Variants in CD44 observed in about 807,000 individuals in gnomAD.
The protein encoded by CD44 is CD44 antigen.
Under a neutral mutation model 88.8 loss-of-function variants are expected in CD44, and 49 were observed. That is an observed-to-expected ratio of 0.55 (90% CI 0.44 to 0.70). The LOEUF is 0.70. Among genes scored for constraint, CD44 ranks in the 30% least tolerant of loss-of-function variants. The probability of loss-of-function intolerance (pLI) is 0.00; values close to 1 mark genes in which losing one functional copy is unlikely to be tolerated. For missense variants in CD44, 883 were observed against 913.8 expected (o/e 0.97, Z 0.43); for synonymous variants, 325 against 312.3 (o/e 1.04, Z -0.43).
At chr11:35,206,286 C>T (rs767196049) in intron 11 of CD44, 43 bp downstream of exon 11, 1 of 1,547,100 alleles carries the variant, frequency 6.5e-7, no homozygotes, top group East Asian at 2.3e-5. Flanking sequence ...TTTTTGAAAT[C>T]CACTGAGTGA....
At chr11:35,212,369 AAAG>A (rs1445901483) in intron 14 of CD44, among the ~76,000 whole-genome samples, 5 of 152,136 alleles carry the variant, frequency 3.3e-5, no homozygotes, top group African/African-American at 9.7e-5. Context: ...CAAAAAAGAA[AAAG>A]AAGAATTCAT....
intron 5 of CD44, among the ~76,000 whole-genome samples, chr11:35,196,012 T>G (rs567874583): frequency 2.0e-5 from 3 of 152,306 alleles, no homozygotes; most frequent in Non-Finnish European, 4.4e-5. Context: ...TATCTATTGC[T>G]GGCAGAAATA....
At chr11:35,205,221 T>G (rs971639586) in intron 10 of CD44, among the ~76,000 whole-genome samples, 1 of 152,228 alleles carries the variant, frequency 6.6e-6, no homozygotes, top group African/African-American at 2.4e-5. Flanking sequence ...CTTATCATCA[T>G]CTCTAAGTGA....
intron 5 of CD44, among the ~76,000 whole-genome samples, chr11:35,196,216 G>C (rs930439960): frequency 4.6e-5 from 7 of 152,160 alleles, no homozygotes; most frequent in Admixed American, 2.0e-4. Flanking sequence ...TGATCTTCCT[G>C]ACTATGGGAA....
At position 35,196,869 on chromosome 11, in the gene CD44, T is replaced by G. The variant is rs1946810801; in HGVS notation, c.791T>G (p.Met264Arg). 6.2e-7 allele frequency: 1 copy of G among 1,613,108 alleles called. No homozygotes were observed. Among genetic ancestry groups the G allele is most frequent in the African/African-American group, 1.3e-5 (1 of 74,922 alleles). Reference sequence around the variant, plus strand: ...AATCATCTTCACACAACAACACAAATGGCTGGTAATGAGTTATTATTATCT... The same window carrying G: ...AATCATCTTCACACAACAACACAAAGGGCTGGTAATGAGTTATTATTATCT... ...SKNHLHTTTQ[M>R]AGTSSNTISA... is the part of the protein sequence containing the mutation. Residue 264 changes from methionine to arginine, a missense_variant, in exon 6 of 18, where the codon ATG becomes AGG. Transcript: ENST00000428726.
At position 35,222,621 on chromosome 11, in the gene CD44, A is replaced by G. The variant is rs1202402818; in HGVS notation, c.2024+889A>G. 9.2e-6 allele frequency: 6 copies of G among 653,170 alleles called. No homozygotes were observed. In the African/African-American group the frequency reaches 9.9e-5, roughly 11 times the overall value. The allele number at this position is 653,170 out of a possible 1,614,324, so 40.5% of individuals were successfully genotyped here. A position where few individuals can be genotyped will look rare whatever the true frequency, so the allele number is the denominator to read the frequency against. On this transcript the variant is annotated intron_variant, in intron 17 of 17. Coordinates refer to ENST00000428726, the MANE Select transcript of CD44 (RefSeq NM_000610.4). ...ATAATATATATATATATATATACAC[A>G]TACATTATATATACACAATAGTAAT...
chr11:35,183,171 C>G (rs991301370), intron 3 of CD44, among the ~76,000 whole-genome samples: 3 of 152,038 alleles, frequency 2.0e-5, no homozygotes, highest in East Asian at 1.9e-4. Context: ...TCCAAATTGA[C>G]TCGATATTGA....
intron 12 of CD44, among the ~76,000 whole-genome samples, chr11:35,209,140 G>A (rs1486540241): frequency 2.6e-5 from 4 of 152,156 alleles, no homozygotes; most frequent in South Asian, 4.1e-4. Context: ...ATATTTATTC[G>A]GTGGTGGGCA....
chr11:35,170,701 T>A (rs951695947), intron 1 of CD44, among the ~76,000 whole-genome samples: 1 of 152,216 alleles, frequency 6.6e-6, no homozygotes. Flanking sequence ...GTTTGAGAGA[T>A]GCAATCAGCC....
intron 7 of CD44, chr11:35,200,718 G>A (rs538025096): frequency 1.5e-5 from 3 of 204,926 alleles, no homozygotes; most frequent in African/African-American, 2.3e-5. Flanking sequence ...CAAGTGCAGA[G>A]GGATACTACA....
intron 7 of CD44, chr11:35,198,493 G>T: frequency 2.2e-6 from 1 of 456,124 alleles, no homozygotes; most frequent in Non-Finnish European, 3.9e-6. Flanking sequence ...GGGATCTACT[G>T]CTACAGATTG....
chr11:35,163,286 G>C (rs1942866538), intron 1 of CD44, among the ~76,000 whole-genome samples: 1 of 151,248 alleles, frequency 6.6e-6, no homozygotes, highest in Non-Finnish European at 1.5e-5. Flanking sequence ...GAAACTCATG[G>C]TTGTTCCTAG....
At chr11:35,173,728 G>A (rs557932806) in intron 1 of CD44, among the ~76,000 whole-genome samples, 79 of 152,234 alleles carry the variant, frequency 5.2e-4, no homozygotes, top group African/African-American at 1.9e-3. Flanking sequence ...TTGTTTCCTC[G>A]TGGTTGAGAC....
chr11:35,152,383 G>T (rs540709855), intron 1 of CD44, among the ~76,000 whole-genome samples: 1 of 152,330 alleles, frequency 6.6e-6, no homozygotes, highest in East Asian at 1.9e-4. Context: ...AAGTCTACCA[G>T]AAATAGCCCC....
chr11:35,200,933 C>G lies in CD44; in HGVS notation c.923-149C>G, dbSNP rs115589955. ...GCTGAATTAAGCTGAAGTCACCCTC[C>G]GCTTTCCCTCCATTTCCATGCAGCC... On this transcript the variant is annotated intron_variant, in intron 7 of 17. Transcript: ENST00000428726. 13 of 671,870 alleles carry G rather than the reference C, an allele frequency of 1.9e-5. No homozygotes were observed. In the Admixed American group the frequency reaches 2.9e-4, roughly 15 times the overall value. 41.6% of individuals were successfully genotyped at this position (671,870 alleles called of 1,614,324 possible). A position where few individuals can be genotyped will look rare whatever the true frequency, so the allele number is the denominator to read the frequency against.
intron 11 of CD44, 58 bp downstream of exon 11, chr11:35,206,301 T>C (rs1000979897): frequency 4.0e-6 from 6 of 1,509,922 alleles, no homozygotes; most frequent in Non-Finnish European, 4.5e-6. Context: ...GAGTGACTGC[T>C]GACTATTTTT....
intron 5 of CD44, among the ~76,000 whole-genome samples, chr11:35,192,414 T>G (rs1476305819): frequency 6.6e-6 from 1 of 152,208 alleles, no homozygotes; most frequent in Non-Finnish European, 1.5e-5. Flanking sequence ...TGAGGAGATT[T>G]GCAAAACCTT....
At chr11:35,204,753 G>A (rs1370792786) in intron 10 of CD44, 113 bp downstream of exon 10, 1 of 966,122 alleles carries the variant, frequency 1.0e-6, no homozygotes. Context: ...GAGATGTTAG[G>A]TTACTTAATA....
intron 1 of CD44, among the ~76,000 whole-genome samples, chr11:35,155,993 A>G (rs796880517): frequency 1.2e-4 from 18 of 152,356 alleles, no homozygotes; most frequent in African/African-American, 4.3e-4. Flanking sequence ...GGTCAAGATC[A>G]CAGCTAATTA....
Sources: allele counts gnomAD v4.1 joint callset (sites outside exome capture counted in the v4.1 genomes callset), GRCh38; gene constraint gnomAD v4.1.1; transcripts MANE v1.5; gene names NCBI Gene and HGNC (gene_info 2026-07-23, HGNC 2026-07-21).